The following RNF144B variants were observed in gnomAD, a reference collection of about 807,000 sequenced individuals.
RNF144B encodes the protein E3 ubiquitin-protein ligase RNF144B.
RNF144B carries 25 observed loss-of-function variants against 40.2 expected under a neutral mutation model. The ratio of observed to expected loss-of-function variants is 0.62; its 90% CI spans 0.45 to 0.87. RNF144B has a LOEUF of 0.87. Among genes scored for constraint, RNF144B ranks in the 40% least tolerant of loss-of-function variants. The probability of loss-of-function intolerance (pLI) is 0.00; values close to 1 mark genes in which losing one functional copy is unlikely to be tolerated. For synonymous variants in RNF144B, 145 were observed against 136.3 expected (o/e 1.06, Z -0.44); for missense variants, 365 against 373.7 (o/e 0.98, Z 0.19).
intron 4 of RNF144B, among the ~76,000 whole-genome samples, chr6:18,452,382 G>A (rs1759228003): frequency 6.6e-6 from 1 of 152,168 alleles, no homozygotes; most frequent in Non-Finnish European, 1.5e-5. Flanking sequence ...ATAGAAGGTA[G>A]TTCACTTAAG....
intron 4 of RNF144B, among the ~76,000 whole-genome samples, chr6:18,440,050 G>C (rs1758924021): frequency 6.6e-6 from 1 of 152,112 alleles, no homozygotes; most frequent in African/African-American, 2.4e-5. Flanking sequence ...AAAAGAAAGT[G>C]ACCCTCGAAA....
chr6:18,435,412 T>G (rs1758794902), intron 3 of RNF144B, among the ~76,000 whole-genome samples: 1 of 115,978 alleles, frequency 8.6e-6, no homozygotes, highest in Non-Finnish European at 2.1e-5. Flanking sequence ...AAAAAATGAA[T>G]AAATAGAGAA....
chr6:18,432,428 G>A (rs1211644338), intron 3 of RNF144B, among the ~76,000 whole-genome samples: 2 of 152,214 alleles, frequency 1.3e-5, no homozygotes, highest in African/African-American at 4.8e-5. Flanking sequence ...TTCCTCTATT[G>A]CATCATCTGG....
chr6:18,401,025 C>G (rs901241055), intron 2 of RNF144B, among the ~76,000 whole-genome samples: 1 of 152,164 alleles, frequency 6.6e-6, no homozygotes, highest in African/African-American at 2.4e-5. Context: ...ACAATTATTT[C>G]TCTGACTTTC....
At chr6:18,388,172 T>G (rs1021723289) in intron 1 of RNF144B, among the ~76,000 whole-genome samples, 1 of 152,216 alleles carries the variant, frequency 6.6e-6, no homozygotes, top group Non-Finnish European at 1.5e-5. Flanking sequence ...ATATACACTA[T>G]TCACATAAAG....
chr6:18,452,225 C>T (rs1324282979), intron 4 of RNF144B, among the ~76,000 whole-genome samples: 1 of 152,220 alleles, frequency 6.6e-6, no homozygotes, highest in South Asian at 2.1e-4. Context: ...CATCCCCTCA[C>T]TGTTTCAGGT....
At chr6:18,452,168 A>G (rs1759223400) in intron 4 of RNF144B, among the ~76,000 whole-genome samples, 1 of 152,224 alleles carries the variant, frequency 6.6e-6, no homozygotes, top group South Asian at 2.1e-4. Flanking sequence ...ATACATCTAT[A>G]TGCTTTTGAA....
In RNF144B at chr6:18,456,122, C is replaced by T. The variant is rs1244975627; in HGVS notation, c.332-1033C>T. On this transcript the variant is annotated intron_variant, in intron 4 of 7. Transcript: ENST00000259939. This position sits in a 1 kb window ranked among gnomAD's most constrained non-coding sequence, Gnocchi z 4.7. ...TATTTTTAGTAGAGATGGTGTTTCA[C>T]CCTGTTAGCCAGGATGGTCTTGATC... Among the ~76,000 whole-genome samples, 2 of 152,162 alleles carry T rather than the reference C, an allele frequency of 1.3e-5. No homozygotes were observed. Among genetic ancestry groups the T allele is most frequent in the African/African-American group, 4.8e-5 (2 of 41,434 alleles).
Position 18,457,780 on chromosome 6 carries a change from T to C in RNF144B, c.536+421T>C, listed in dbSNP as rs1474031742. ...GCCAGCTCATGATGTGTGACAGTCA[T>C]ATTAGAAAGAACACAACAATAGAAA... On this transcript the variant is annotated intron_variant, in intron 5 of 7. Coordinates refer to ENST00000259939, the MANE Select transcript of RNF144B (RefSeq NM_182757.4). The surrounding 1 kb of genome is among the most constrained non-coding windows in gnomAD (Gnocchi z 5.1). 6.6e-6 allele frequency among the ~76,000 whole-genome samples: 1 copy of C among 152,170 alleles called. No individual in the cohort carries two copies. Among genetic ancestry groups the C allele is most frequent in the Non-Finnish European group, 1.5e-5 (1 of 68,028 alleles).
intron 2 of RNF144B, among the ~76,000 whole-genome samples, chr6:18,409,726 A>T (rs1266380021): frequency 4.6e-5 from 7 of 151,698 alleles, no homozygotes; most frequent in Admixed American, 3.3e-4. Context: ...AGGTGCCATC[A>T]TGCTGGCTAA....
Position 18,427,541 on chromosome 6 carries a change from T to C in RNF144B, c.166-40T>C, listed in dbSNP as rs372655899. 22 of 1,412,214 alleles carry C rather than the reference T, an allele frequency of 1.6e-5. No individual in the cohort carries two copies. The African/African-American group carries it at 3.1e-4, about 20-fold the overall frequency. The allele number at this position is 1,412,214 out of a possible 1,614,324, so 87.5% of individuals were successfully genotyped here. On this transcript the variant is annotated intron_variant, in intron 2 of 7. Coordinates refer to ENST00000259939, the MANE Select transcript of RNF144B (RefSeq NM_182757.4). The stretch of plus-strand genomic sequence containing the variant: ...CTGTTATGTAACCTTTCTGCTACTG[T>C]AATGGAATGGGCAATTGTCTTTTTT...
intron 1 of RNF144B, among the ~76,000 whole-genome samples, chr6:18,391,394 A>G (rs1794576367): frequency 1.3e-5 from 2 of 152,344 alleles, no homozygotes; most frequent in East Asian, 1.9e-4. Flanking sequence ...TTGAAGAGGT[A>G]GCTACCATGA....
chr6:18,423,435 C>T (rs1415236417), intron 2 of RNF144B, among the ~76,000 whole-genome samples: 1 of 152,114 alleles, frequency 6.6e-6, no homozygotes, highest in East Asian at 1.9e-4. Context: ...TAAAAATATA[C>T]ATATATTCCC....
At chr6:18,401,377 T>G (rs11757097) in intron 2 of RNF144B, among the ~76,000 whole-genome samples, 34,277 of 152,138 alleles carry the variant, frequency 0.23, 4,406 homozygotes, top group East Asian at 0.41. Flanking sequence ...GTCATCTAGA[T>G]TCACACTTCC....
At chr6:18,454,582 G>C (rs1161309855) in intron 4 of RNF144B, among the ~76,000 whole-genome samples, 1 of 152,118 alleles carries the variant, frequency 6.6e-6, no homozygotes, top group Non-Finnish European at 1.5e-5. Context: ...GGACCTTTAT[G>C]TGCTGTCATA....
intron 2 of RNF144B, among the ~76,000 whole-genome samples, chr6:18,423,332 A>G (rs566947206): frequency 7.2e-5 from 11 of 152,224 alleles, no homozygotes; most frequent in African/African-American, 2.6e-4. Context: ...TTCATTGGCT[A>G]TAGATTATAA....
chr6:18,414,157 A>G lies in RNF144B; in HGVS notation c.166-13424A>G, dbSNP rs1211218928. On this transcript the variant is annotated intron_variant, in intron 2 of 7. Coordinates refer to ENST00000259939, the MANE Select transcript of RNF144B (RefSeq NM_182757.4). The surrounding 1 kb of genome is among the most constrained non-coding windows in gnomAD (Gnocchi z 4.9). ...TGATTTTGCTGTGGAGTCATTGAATATCATTATTTCAAAATAATTTTGAAT... is the reference window on the plus strand; with the variant it reads ...TGATTTTGCTGTGGAGTCATTGAATGTCATTATTTCAAAATAATTTTGAAT... Among the ~76,000 whole-genome samples, 2 of 152,234 alleles carry G rather than the reference A, an allele frequency of 1.3e-5. No homozygotes were observed. The highest frequency in any genetic ancestry group is 3.8e-4 in the East Asian group (2 of 5,200).
Position 18,467,396 on chromosome 6 carries a change from T to TTTTG in RNF144B, c.*2333_*2336dup, listed in dbSNP as rs1435605237. 3 of 60,700 alleles carry TTTTG rather than the reference T, an allele frequency of 4.9e-5. No homozygotes were observed. The highest frequency in any genetic ancestry group is 7.8e-5 in the Non-Finnish European group (2 of 25,784). The allele number at this position is 60,700 out of a possible 1,614,324, so 3.8% of individuals were successfully genotyped here. ...GAGTTTGTATCACTGAATTAGCTGC[T>TTTTG]TTTGTTTTTTTTTTTTTTTTTTTGC... On this transcript the variant is annotated 3_prime_UTR_variant, in exon 8 of 8. Transcript: ENST00000259939.
At chr6:18,463,989 T>G (rs1384312020) in intron 7 of RNF144B, among the ~76,000 whole-genome samples, 2 of 152,134 alleles carry the variant, frequency 1.3e-5, no homozygotes. Context: ...CATGATTCAA[T>G]TATCTCCACC....
Sources: gnomAD v4.1 joint callset for allele counts (sites outside exome capture counted in the v4.1 genomes callset) on GRCh38, gnomAD v4.1.1 for gene constraint, Gnocchi (gnomAD v3.1) non-coding constraint, MANE v1.5 for transcripts, NCBI Gene and HGNC (gene_info 2026-07-23, HGNC 2026-07-21) for gene names.